FHIT: variants seen among roughly 807,000 people sequenced by gnomAD.
FHIT encodes the protein bis(5'-adenosyl)-triphosphatase.
Under a neutral mutation model 17.9 loss-of-function variants are expected in FHIT, and 19 were observed. The ratio of observed to expected loss-of-function variants is 1.06; its 90% CI spans 0.74 to 1.56. The LOEUF is 1.56. FHIT is among the 40% of genes most tolerant of loss of function. The pLI, the probability that FHIT is intolerant of heterozygous loss-of-function variation, is 0.00. For missense variants in FHIT, 248 were observed against 189.2 expected, an observed-to-expected ratio of 1.31 and a Z score of -1.82; for synonymous variants, 81 against 69.7, an observed-to-expected ratio of 1.16 and a Z score of -0.81.
At chr3:61,054,361 C>CT (rs35308129) in intron 2 of FHIT, among the ~76,000 whole-genome samples, 85,843 of 150,936 alleles carry the variant, frequency 0.57, 26,338 homozygotes, top group East Asian at 0.78. Context: ...CAAATTATCT[C>CT]TTTTTTTTTC....
At chr3:60,140,075 C>T (rs185073671) in intron 5 of FHIT, among the ~76,000 whole-genome samples, 6 of 151,780 alleles carry the variant, frequency 4.0e-5, no homozygotes, top group Non-Finnish European at 5.9e-5. Context: ...GAGCAGAGAT[C>T]GTACCACTGC....
rs554257508 is a variant in FHIT, at chr3:61,177,104, G to C, written c.-164+23513C>G. Among the ~76,000 whole-genome samples, 6 of 151,788 alleles carry C rather than the reference G, an allele frequency of 4.0e-5. No individual in the cohort carries two copies. In the East Asian group the frequency reaches 1.2e-3, roughly 29 times the overall value. ...AGGCAGGAGAATGGTGTGAACCTGG[G>C]AGGCGGAGCTTGCAGTGAGCCGAGA... On this transcript the variant is annotated intron_variant, in intron 2 of 9. Coordinates refer to ENST00000492590, the MANE Select transcript of FHIT (RefSeq NM_002012.4).
intron 5 of FHIT, among the ~76,000 whole-genome samples, chr3:60,326,297 T>C (rs1309706180): frequency 6.6e-6 from 1 of 152,080 alleles, no homozygotes; most frequent in Non-Finnish European, 1.5e-5. Flanking sequence ...GTCCTGAGCT[T>C]GTATTCTTGT....
At chr3:60,923,628 T>C (rs1457129592) in intron 3 of FHIT, among the ~76,000 whole-genome samples, 1 of 151,720 alleles carries the variant, frequency 6.6e-6, no homozygotes, top group African/African-American at 2.4e-5. Flanking sequence ...GCTCCCAGAG[T>C]AAGCAATGCA....
intron 2 of FHIT, among the ~76,000 whole-genome samples, chr3:61,099,081 G>C (rs774345919): frequency 4.6e-5 from 7 of 152,106 alleles, no homozygotes; most frequent in Non-Finnish European, 1.0e-4. Flanking sequence ...TTATTATTTT[G>C]AGGTATGTTC....
intron 7 of FHIT, among the ~76,000 whole-genome samples, chr3:59,953,805 G>C (rs533577620): frequency 5.9e-5 from 9 of 152,276 alleles, no homozygotes; most frequent in African/African-American, 1.4e-4. Context: ...CTTTCACAAA[G>C]GTTCTGCAAA....
chr3:61,241,030 T>C (rs866338425), intron 1 of FHIT, among the ~76,000 whole-genome samples: 17 of 152,214 alleles, frequency 1.1e-4, no homozygotes, highest in African/African-American at 4.1e-4. Context: ...CACTTTCTGA[T>C]GATGTAGTAA....
chr3:59,927,463 T>TAAAA (rs58083993), intron 7 of FHIT, among the ~76,000 whole-genome samples: 11,101 of 130,040 alleles, frequency 0.085, 540 homozygotes, highest in Admixed American at 0.12. Flanking sequence ...AGCTATTACT[T>TAAAA]AAAAAAAAAA....
chr3:61,033,479 T>C (rs1313289244), intron 3 of FHIT, among the ~76,000 whole-genome samples: 1 of 152,200 alleles, frequency 6.6e-6, no homozygotes, highest in Non-Finnish European at 1.5e-5. Flanking sequence ...AAAACTAATA[T>C]TTTTAATATT....
intron 9 of FHIT, chr3:59,750,969 C>T (rs533991557): frequency 1.6e-5 from 3 of 185,788 alleles, no homozygotes; most frequent in Admixed American, 6.2e-5. Context: ...ATAACATGAA[C>T]ATATTTATTC....
chr3:60,588,308 A>G (rs1275930861), intron 4 of FHIT, among the ~76,000 whole-genome samples: 1 of 152,114 alleles, frequency 6.6e-6, no homozygotes, highest in African/African-American at 2.4e-5. Context: ...CTAACAATTT[A>G]CTGATTTCTT....
chr3:60,022,133 G>A (rs1700575420), intron 5 of FHIT, among the ~76,000 whole-genome samples: 1 of 152,136 alleles, frequency 6.6e-6, no homozygotes, highest in Non-Finnish European at 1.5e-5. Flanking sequence ...GATGTTCTTT[G>A]GAAACCTTGA....
intron 7 of FHIT, among the ~76,000 whole-genome samples, chr3:59,946,571 G>C (rs1324971907): frequency 6.6e-6 from 1 of 152,186 alleles, no homozygotes; most frequent in African/African-American, 2.4e-5. Context: ...AAGGAGTGGT[G>C]AGAGTGGGCA....
At chr3:61,024,914 G>T (rs781152297) in intron 3 of FHIT, among the ~76,000 whole-genome samples, 8 of 151,792 alleles carry the variant, frequency 5.3e-5, no homozygotes, top group Non-Finnish European at 1.2e-4. Context: ...TAACCTTACA[G>T]TATACCATTG....
chr3:60,771,652 T>C (rs1208777498), intron 4 of FHIT, among the ~76,000 whole-genome samples: 4 of 152,196 alleles, frequency 2.6e-5, no homozygotes, highest in Admixed American at 6.5e-5. Context: ...AGTCATCTTA[T>C]AGAAGGGGGT....
At position 61,094,161 on chromosome 3, in the gene FHIT, G is replaced by C. The variant is rs74707054; in HGVS notation, c.-163-52062C>G. Reference sequence around the variant, plus strand: ...GTGTGTGTGTATTTTTCTCTGAAGAGGGGTCCAAAAATGGTGACGCATCAC... The same window carrying C: ...GTGTGTGTGTATTTTTCTCTGAAGACGGGTCCAAAAATGGTGACGCATCAC... On this transcript the variant is annotated intron_variant, in intron 2 of 9. Transcript: ENST00000492590. 4.8e-3 allele frequency among the ~76,000 whole-genome samples: 726 copies of C among 151,470 alleles called. 7 individuals carry two copies. Among genetic ancestry groups the C allele is most frequent in the African/African-American group, 0.017 (698 of 40,852 alleles).
rs1012585975 is a variant in FHIT, at chr3:60,909,787, G to C, written c.-110-87776C>G. 5.3e-5 allele frequency among the ~76,000 whole-genome samples: 8 copies of C among 152,258 alleles called. No individual in the cohort carries two copies. In the South Asian group the frequency reaches 1.7e-3, roughly 32 times the overall value. ...TAAACATACAAGGGAGAGGCTCCTAGACAGATACCATTGCCTAGTACCTTT... is the reference window on the plus strand; with the variant it reads ...TAAACATACAAGGGAGAGGCTCCTACACAGATACCATTGCCTAGTACCTTT... On this transcript the variant is annotated intron_variant, in intron 3 of 9. Transcript: ENST00000492590.
chr3:60,079,993 ATTACT>A (rs1206780524), intron 5 of FHIT, among the ~76,000 whole-genome samples: 4 of 152,184 alleles, frequency 2.6e-5, no homozygotes, highest in Non-Finnish European at 4.4e-5. Flanking sequence ...ATTTACTGTC[ATTACT>A]TTAATGATGT....
At chr3:60,559,691 A>G (rs1459270951) in intron 4 of FHIT, among the ~76,000 whole-genome samples, 1 of 152,088 alleles carries the variant, frequency 6.6e-6, no homozygotes, top group African/African-American at 2.4e-5. Flanking sequence ...GAGAAGATGG[A>G]AAGCATATGT....
Sources: gnomAD v4.1 joint callset for allele counts (sites outside exome capture counted in the v4.1 genomes callset) on GRCh38, gnomAD v4.1.1 for gene constraint, MANE v1.5 for transcripts, NCBI Gene and HGNC (gene_info 2026-07-23, HGNC 2026-07-21) for gene names.